The following AIF1L variants were observed in gnomAD, a reference collection of about 807,000 sequenced individuals.
The protein encoded by AIF1L is allograft inflammatory factor 1-like.
Under a neutral mutation model 20.7 loss-of-function variants are expected in AIF1L, and 12 were observed. The observed-to-expected ratio is 0.58, with a 90% CI of 0.37 to 0.94. The LOEUF is 0.94. Among genes scored for constraint, AIF1L ranks in the 40% least tolerant of loss-of-function variants. The pLI, the probability that AIF1L is intolerant of heterozygous loss-of-function variation, is 0.01. For synonymous variants in AIF1L, 76 were observed against 65.1 expected, an observed-to-expected ratio of 1.17 and a Z score of -0.81; for missense variants, 173 against 185.3, an observed-to-expected ratio of 0.93 and a Z score of 0.39.
At chr9:131,112,780 C>T (rs1008520903) in intron 3 of AIF1L, among the ~76,000 whole-genome samples, 2 of 152,254 alleles carry the variant, frequency 1.3e-5, no homozygotes, top group East Asian at 3.9e-4. Flanking sequence ...CACCCCATCC[C>T]AGCCACCTGT....
chr9:131,111,525 G>A (rs1482251483), intron 2 of AIF1L, 72 bp from the exon 3 acceptor site: 6 of 1,405,766 alleles, frequency 4.3e-6, no homozygotes, highest in East Asian at 4.6e-5. Context: ...GAAGGCCCCC[G>A]GACAGTGGGC....
intron 2 of AIF1L, among the ~76,000 whole-genome samples, chr9:131,100,816 G>A (rs907585931): frequency 6.6e-5 from 10 of 152,240 alleles, no homozygotes; most frequent in African/African-American, 1.9e-4. Flanking sequence ...CCCTCAGGGT[G>A]GCTGTGCCCT....
In AIF1L at chr9:131,096,635, G is replaced by C; in HGVS notation, c.6G>C (p.Ser2=). The change falls in exon 1 of 6, where the codon TCG becomes TCC. Residue 2 remains serine, a synonymous_variant. Coordinates refer to ENST00000247291, the MANE Select transcript of AIF1L (RefSeq NM_031426.4). ...GCGGGAGCCCCGCGCTCGCCATGTC[G>C]GGCGAGCTCAGCAACAGGTTCCAAG... M[S]GELSNRFQGG... The C allele has an allele frequency of 6.7e-7, 1 of 1,484,194 alleles. No individual in the cohort carries two copies. Among genetic ancestry groups the C allele is most frequent in the Non-Finnish European group, 8.9e-7 (1 of 1,125,468 alleles). 91.9% of individuals were successfully genotyped at this position (1,484,194 alleles called of 1,614,324 possible). A position where few individuals can be genotyped will look rare whatever the true frequency, so the allele number is the denominator to read the frequency against.
chr9:131,114,407 C>T, intron 3 of AIF1L, 170 bp from the exon 4 acceptor site: 2 of 688,944 alleles, frequency 2.9e-6, no homozygotes, highest in Non-Finnish European at 5.2e-6. Flanking sequence ...GCTCTTTCCC[C>T]AGAGGCCATG....
rs7034846 is a variant in AIF1L, at chr9:131,102,960, G to A, written c.93+6097G>A. The A allele has an allele frequency of 2.1e-3, 956 of 456,376 alleles. 6 individuals are homozygous for A. The highest frequency in any genetic ancestry group is 0.018 in the African/African-American group (889 of 50,210). The allele number at this position is 456,376 out of a possible 1,614,324, so 28.3% of individuals were successfully genotyped here. A position where few individuals can be genotyped will look rare whatever the true frequency, so the allele number is the denominator to read the frequency against. ...CAGAAAGACAAGCCTGGAGGGCCAGGAGCAAGGGTTCGCCAGAAGGTGCTA... is the reference window on the plus strand; with the variant it reads ...CAGAAAGACAAGCCTGGAGGGCCAGAAGCAAGGGTTCGCCAGAAGGTGCTA... On this transcript the variant is annotated intron_variant, in intron 2 of 5. Coordinates refer to ENST00000247291, the MANE Select transcript of AIF1L (RefSeq NM_031426.4).
intron 2 of AIF1L, among the ~76,000 whole-genome samples, chr9:131,109,565 A>G (rs943255757): frequency 5.1e-5 from 7 of 138,240 alleles, no homozygotes; most frequent in Non-Finnish European, 1.0e-4. Flanking sequence ...GTCTCAAAAA[A>G]ACAAAAACAA....
chr9:131,122,851 G>C lies in AIF1L; in HGVS notation c.*2529G>C, dbSNP rs1266927180. The C allele has an allele frequency of 2.6e-5, 4 of 152,346 alleles. No individual in the cohort carries two copies. The highest frequency in any genetic ancestry group is 2.6e-4 in the Admixed American group (4 of 15,278). 9.4% of individuals were successfully genotyped at this position (152,346 alleles called of 1,614,324 possible). A position where few individuals can be genotyped will look rare whatever the true frequency, so the allele number is the denominator to read the frequency against. ...GAGAGGGTCTCAAGAGTTGTCCCTGGAAGGAGGGCGGGGGCAGTCTGCATC... is the reference window on the plus strand; with the variant it reads ...GAGAGGGTCTCAAGAGTTGTCCCTGCAAGGAGGGCGGGGGCAGTCTGCATC... On this transcript the variant is annotated 3_prime_UTR_variant, in exon 6 of 6. Coordinates refer to ENST00000247291, the MANE Select transcript of AIF1L (RefSeq NM_031426.4).
chr9:131,114,464 G>T, intron 3 of AIF1L, 113 bp from the exon 4 acceptor site: 6 of 1,190,634 alleles, frequency 5.0e-6, no homozygotes, highest in Non-Finnish European at 7.5e-6. Flanking sequence ...TAGGGTGCGG[G>T]AGGTGGTTCA....
intron 2 of AIF1L, chr9:131,106,360 C>T: frequency 1.1e-6 from 1 of 932,764 alleles, no homozygotes; most frequent in South Asian, 1.4e-5. Context: ...GCCGGGGAGG[C>T]AGAGAGGGTG....
chr9:131,101,157 A>G (rs188204408), intron 2 of AIF1L, among the ~76,000 whole-genome samples: 1 of 152,008 alleles, frequency 6.6e-6, no homozygotes, highest in Non-Finnish European at 1.5e-5. Context: ...CGGCCTCCCA[A>G]AGTGCTGGGA....
rs139191280 is a variant in AIF1L, at chr9:131,121,158, C to T, written c.*836C>T. The T allele has an allele frequency of 1.8e-5, 13 of 711,090 alleles. No individual in the cohort carries two copies. In the East Asian group the frequency reaches 3.5e-4, roughly 19 times the overall value. 44.0% of individuals were successfully genotyped at this position (711,090 alleles called of 1,614,324 possible). ...ATGGGAGAATGAGGAGTAAAATGCT[C>T]ACGGCAAAGTCAGCAGCACTGGTAA... On this transcript the variant is annotated 3_prime_UTR_variant, in exon 6 of 6. Coordinates refer to ENST00000247291, the MANE Select transcript of AIF1L (RefSeq NM_031426.4).
intron 2 of AIF1L, 92 bp from the exon 3 acceptor site, chr9:131,111,505 C>A: frequency 1.7e-6 from 2 of 1,198,920 alleles, no homozygotes; most frequent in Non-Finnish European, 2.4e-6. Flanking sequence ...CCTGGTTACC[C>A]GATAGGAGGG....
At chr9:131,110,609 T>G (rs1221313112) in intron 2 of AIF1L, among the ~76,000 whole-genome samples, 1 of 151,748 alleles carries the variant, frequency 6.6e-6, no homozygotes, top group East Asian at 2.0e-4. Context: ...GTTTAAGCTA[T>G]TCTCCTGCCT....
At position 131,120,005 on chromosome 9, in the gene AIF1L, A is replaced by G. The variant is rs75485878; in HGVS notation, c.366-230A>G. On this transcript the variant is annotated intron_variant, in intron 5 of 5. Coordinates refer to ENST00000247291, the MANE Select transcript of AIF1L (RefSeq NM_031426.4). ...GCCCTGGACCGCCTGTGTGGTTCTGAGGAGTCATATCACCACTTTGCGCCT... is the reference window on the plus strand; with the variant it reads ...GCCCTGGACCGCCTGTGTGGTTCTGGGGAGTCATATCACCACTTTGCGCCT... 6.1e-3 allele frequency among the ~76,000 whole-genome samples: 930 copies of G among 152,202 alleles called. 6 individuals are homozygous for G. The highest frequency in any genetic ancestry group is 0.022 in the African/African-American group (903 of 41,516).
intron 4 of AIF1L, among the ~76,000 whole-genome samples, chr9:131,116,239 T>C (rs1377683467): frequency 6.6e-6 from 1 of 152,036 alleles, no homozygotes; most frequent in Non-Finnish European, 1.5e-5. Context: ...AATAAAACAA[T>C]GGTGAGTATT....
At position 131,114,691 on chromosome 9, in the gene AIF1L, G is replaced by T. The variant is rs376935311; in HGVS notation, c.202+73G>T. ...AGAGGGCTTGAGGGACCCTCTGTGC[G>T]GGTGAGGGGCATGGGGCAGTCCGGA... On this transcript the variant is annotated intron_variant, in intron 4 of 5. Coordinates refer to ENST00000247291, the MANE Select transcript of AIF1L (RefSeq NM_031426.4). The T allele has an allele frequency of 1.8e-4, 291 of 1,577,818 alleles. No homozygotes were observed. The East Asian group carries it at 5.4e-3, about 29-fold the overall frequency.
rs556527480 is a variant in AIF1L, at chr9:131,108,610, C to A, written c.94-2987C>A. 5.9e-5 allele frequency among the ~76,000 whole-genome samples: 9 copies of A among 152,304 alleles called. No individual in the cohort carries two copies. In the South Asian group the frequency reaches 1.9e-3, roughly 32 times the overall value. ...AGGATTTAGTGAGATAGCACAGTGT[C>A]TGCTACAGCCAATGTTTTACCAAAA... On this transcript the variant is annotated intron_variant, in intron 2 of 5. Coordinates refer to ENST00000247291, the MANE Select transcript of AIF1L (RefSeq NM_031426.4).
At chr9:131,107,170 C>T (rs980419050) in intron 2 of AIF1L, among the ~76,000 whole-genome samples, 6 of 152,202 alleles carry the variant, frequency 3.9e-5, no homozygotes, top group African/African-American at 7.2e-5. Flanking sequence ...GAGAGAACCA[C>T]GCAGATCTGT....
chr9:131,118,127 C>G (rs149005730), intron 5 of AIF1L, among the ~76,000 whole-genome samples: 2 of 152,266 alleles, frequency 1.3e-5, no homozygotes, highest in Non-Finnish European at 2.9e-5. Flanking sequence ...GAGTCTTACT[C>G]TATTGCCCAG....
Sources: gnomAD v4.1 joint callset for allele counts (sites outside exome capture counted in the v4.1 genomes callset) on GRCh38, gnomAD v4.1.1 for gene constraint, MANE v1.5 for transcripts, NCBI Gene and HGNC (gene_info 2026-07-23, HGNC 2026-07-21) for gene names.